SLC29A1: variants seen among roughly 807,000 people sequenced by gnomAD.
SLC29A1 encodes equilibrative nucleoside transporter 1.
In SLC29A1, 22 loss-of-function variants were observed where a neutral mutation model predicts 48.3. That is an observed-to-expected ratio of 0.46 (90% CI 0.33 to 0.65). SLC29A1 has a LOEUF of 0.65. Among genes scored for constraint, SLC29A1 ranks in the 30% least tolerant of loss-of-function variants. The pLI is 0.03. For missense variants in SLC29A1, 491 were observed against 575.3 expected (o/e 0.85, Z 1.50); for synonymous variants, 228 against 231.0 (o/e 0.99, Z 0.12).
chr6:44,233,579 C>T lies in SLC29A1; in HGVS notation c.*51C>T, dbSNP rs369843834. 2.4e-5 allele frequency: 34 copies of T among 1,432,546 alleles called. No individual in the cohort carries two copies. The highest frequency in any genetic ancestry group is 1.4e-4 in the African/African-American group (10 of 71,550). 88.7% of individuals were successfully genotyped at this position (1,432,546 alleles called of 1,614,324 possible). A position where few individuals can be genotyped will look rare whatever the true frequency, so the allele number is the denominator to read the frequency against. On this transcript the variant is annotated 3_prime_UTR_variant, in exon 13 of 13. Coordinates refer to ENST00000371755, the MANE Select transcript of SLC29A1 (RefSeq NM_001372327.1). ...GCCTCCCTCCCTGTCTGCCTCCTGCCCCTTCCTTCTGCCAGGGGTGATCCT... is the reference window on the plus strand; with the variant it reads ...GCCTCCCTCCCTGTCTGCCTCCTGCTCCTTCCTTCTGCCAGGGGTGATCCT...
intron 1 of SLC29A1, 41 bp from the exon 2 acceptor site, chr6:44,227,222 A>G: frequency 1.3e-6 from 2 of 1,585,640 alleles, no homozygotes; most frequent in Non-Finnish European, 1.7e-6. Flanking sequence ...GGCCTATGGC[A>G]GGGCCAAGAC....
At chr6:44,220,344 ATTTT>A (rs3997542), upstream of SLC29A1, among the ~76,000 whole-genome samples, 1 of 126,514 alleles carries the variant, frequency 7.9e-6, no homozygotes, top group Non-Finnish European at 1.6e-5. Context: ...TGCTCAGCTA[ATTTT>A]TTTTTTTTTT....
At position 44,223,795 on chromosome 6, in the gene SLC29A1, C is replaced by T. The variant is rs1031057976; in HGVS notation, c.-52+154C>T. On this transcript the variant is annotated intron_variant, in intron 1 of 12. Transcript: ENST00000371755. The surrounding 1 kb of genome is among the most constrained non-coding windows in gnomAD (Gnocchi z 5.0). ...GGCCCCAGTGCGGAGCGTGCGGAGC[C>T]GCGCAGCACGTGGCGCGCACGGGCC... The T allele has an allele frequency of 4.6e-5, 47 of 1,021,638 alleles. No individual in the cohort carries two copies. In the African/African-American group the frequency reaches 7.6e-4, roughly 17 times the overall value. 63.3% of individuals were successfully genotyped at this position (1,021,638 alleles called of 1,614,324 possible).
chr6:44,227,019 A>C, intron 1 of SLC29A1: 1 of 1,266,494 alleles, frequency 7.9e-7, no homozygotes, highest in Non-Finnish European at 1.0e-6. Context: ...TAGCGGTGGC[A>C]GCGGCCAGGC....
rs762789586 is a variant in SLC29A1 at position 44,229,409 on chromosome 6, ATCT to A, written c.55_57del (p.Phe19del). The stretch of plus-strand genomic sequence containing the variant: ...TTGCAGATACAAAGCTGTCTGGCTT[ATCT>A]TCTTCATGCTGGGTCTGGGAACGCT... On this transcript the variant is annotated inframe_deletion, in exon 3 of 13. Coordinates refer to ENST00000371755, the MANE Select transcript of SLC29A1 (RefSeq NM_001372327.1). This position sits in a 1 kb window ranked among gnomAD's most constrained non-coding sequence, Gnocchi z 5.1. The A allele has an allele frequency of 1.2e-6, 2 of 1,613,112 alleles. No individual in the cohort carries two copies. Among genetic ancestry groups the A allele is most frequent in the African/African-American group, 1.3e-5 (1 of 74,964 alleles).
chr6:44,219,799 CG>C (rs746361566), upstream of SLC29A1: 344 of 261,654 alleles, frequency 1.3e-3, 2 homozygotes, highest in African/African-American at 9.3e-3. Context: ...GGGGCGGGGC[CG>C]GGGGGCCTGG....
rs75037270 is a variant in SLC29A1 at position 44,231,462 on chromosome 6, G to C, written c.864+1G>C. The C allele has an allele frequency of 3.8e-6, 6 of 1,585,378 alleles. No homozygotes were observed. Among genetic ancestry groups the C allele is most frequent in the Non-Finnish European group, 5.2e-6 (6 of 1,157,264 alleles). ...CTCTATCAAAGCCATCCTGAAAAAT[G>C]TACGTAGGGGAGGTTATCCTATCTT... On this transcript the variant is annotated splice_donor_variant, in intron 9 of 12. Coordinates refer to ENST00000371755, the MANE Select transcript of SLC29A1 (RefSeq NM_001372327.1). LOFTEE classifies it high-confidence loss of function.
intron 1 of SLC29A1, among the ~76,000 whole-genome samples, chr6:44,225,146 T>C (rs1777206016): frequency 2.0e-5 from 3 of 151,974 alleles, no homozygotes; most frequent in Admixed American, 1.3e-4. Context: ...GCCTGTGGGG[T>C]GGAGTACGGG....
chr6:44,228,439 C>T (rs1457007162), intron 2 of SLC29A1, among the ~76,000 whole-genome samples: 1 of 152,238 alleles, frequency 6.6e-6, no homozygotes, highest in Non-Finnish European at 1.5e-5. Context: ...GTTGCATTAA[C>T]TCGGACCTGC....
chr6:44,227,155 C>A, intron 1 of SLC29A1, 108 bp from the exon 2 acceptor site: 2 of 1,389,728 alleles, frequency 1.4e-6, no homozygotes, highest in Non-Finnish European at 9.7e-7. Context: ...TCTTACTGGA[C>A]TCCTCCACTG....
At position 44,229,673 on chromosome 6, in the gene SLC29A1, C is replaced by A. The variant is rs755729031; in HGVS notation, c.196C>A (p.Pro66Thr). Residue 66 changes from proline to threonine, a missense_variant, in exon 4 of 13, where the codon CCT becomes ACT. Coordinates refer to ENST00000371755, the MANE Select transcript of SLC29A1 (RefSeq NM_001372327.1). The surrounding 1 kb of genome is among the most constrained non-coding windows in gnomAD (Gnocchi z 5.1). ...LSKDAQASAA[P>T]AAPLPERNSL... ...CAAGGACGCCCAGGCGTCAGCCGCC[C>A]CTGCAGCACCCTTGCCTGAGCGGAA... The A allele has an allele frequency of 3.1e-6, 5 of 1,613,996 alleles. No individual in the cohort carries two copies. In the Admixed American group the frequency reaches 8.3e-5, roughly 27 times the overall value.
In SLC29A1 at chr6:44,233,486, A is replaced by C; in HGVS notation, c.1329A>C (p.Ala443=). Reference sequence around the variant, plus strand: ...CCTTCTTCCTGTGTCTGGGTCTGGCACTGGGGGCTGTTTTCTCCTTCCTGT... The same window carrying C: ...CCTTCTTCCTGTGTCTGGGTCTGGCCCTGGGGGCTGTTTTCTCCTTCCTGT... The part of the protein sequence containing the change: ...IMAFFLCLGL[A]LGAVFSFLFR... The change falls in exon 13 of 13, where the codon GCA becomes GCC. Residue 443 remains alanine, a synonymous_variant. Coordinates refer to ENST00000371755, the MANE Select transcript of SLC29A1 (RefSeq NM_001372327.1). 6.2e-7 allele frequency: 1 copy of C among 1,614,060 alleles called. No homozygotes were observed. The highest frequency in any genetic ancestry group is 1.1e-5 in the South Asian group (1 of 91,080).
At position 44,231,407 on chromosome 6, in the gene SLC29A1, C is replaced by T; in HGVS notation, c.810C>T (p.Val270=). ...RAGKEESGVS[V]SNSQPTNESH... is the part of the protein sequence containing the mutation. ...GCAAAGAGGAATCTGGAGTTTCAGT[C>T]TCCAACTCTCAGCCCACCAATGAAA... is the stretch of plus-strand genomic sequence containing the variant. The change falls in exon 9 of 13, where the codon GTC becomes GTT. Residue 270 remains valine (V), a synonymous_variant. Coordinates refer to ENST00000371755, the MANE Select transcript of SLC29A1 (RefSeq NM_001372327.1). 1 of 1,606,502 alleles carries T rather than the reference C, an allele frequency of 6.2e-7. No homozygotes were observed. Among genetic ancestry groups the T allele is most frequent in the Non-Finnish European group, 8.5e-7 (1 of 1,175,328 alleles).
upstream of SLC29A1, chr6:44,223,442 G>A (rs1776706190): frequency 1.4e-6 from 1 of 737,454 alleles, no homozygotes; most frequent in Non-Finnish European, 1.7e-6. This position sits in a 1 kb window ranked among gnomAD's most constrained non-coding sequence, Gnocchi z 5.0. Context: ...GGGGCTCGGG[G>A]TGGGAGCGGC....
intron 1 of SLC29A1, chr6:44,225,876 G>A (rs557860089): frequency 2.0e-5 from 3 of 152,324 alleles, no homozygotes; most frequent in East Asian, 1.9e-4. Flanking sequence ...CTGCACCTGC[G>A]AGAGCTCCCC....
Position 44,232,376 on chromosome 6 carries a change from CT to C in SLC29A1, c.1010del (p.Phe337SerfsTer50), listed in dbSNP as rs1419572459. The C allele has an allele frequency of 5.0e-6, 8 of 1,613,600 alleles. No homozygotes were observed. The highest frequency in any genetic ancestry group is 5.9e-6 in the Non-Finnish European group (7 of 1,179,648). The part of the protein sequence containing the change: ...RYFIPVSCFL[T>X]FNIFDWLGRS... ...TTCATTCCTGTGTCCTGTTTCTTGA[CT>C]TTCAATATCTTTGACTGGTTGGGCC... On this transcript the variant is annotated frameshift_variant, in exon 11 of 13. Transcript: ENST00000371755. LOFTEE classifies it high-confidence loss of function. This position sits in a 1 kb window ranked among gnomAD's most constrained non-coding sequence, Gnocchi z 4.7.
At chr6:44,227,610 G>A (rs916060877) in intron 2 of SLC29A1, among the ~76,000 whole-genome samples, 4 of 152,156 alleles carry the variant, frequency 2.6e-5, no homozygotes, top group Non-Finnish European at 4.4e-5. Context: ...AGCGGCTTTC[G>A]GCTCCTCCCG....
Position 44,232,555 on chromosome 6 carries a change from T to A in SLC29A1, c.1059+127T>A, listed in dbSNP as rs2153306278. 1.4e-6 allele frequency: 1 copy of A among 690,060 alleles called. No homozygotes were observed. Among genetic ancestry groups the A allele is most frequent in the East Asian group, 2.6e-5 (1 of 38,760 alleles). 42.7% of individuals were successfully genotyped at this position (690,060 alleles called of 1,614,324 possible). A position where few individuals can be genotyped will look rare whatever the true frequency, so the allele number is the denominator to read the frequency against. ...TTTTAAAGTCGAGGCATAATTTATGTATAGTTAAGTACAAGTCTTAAGTGT... is the reference window on the plus strand; with the variant it reads ...TTTTAAAGTCGAGGCATAATTTATGAATAGTTAAGTACAAGTCTTAAGTGT... On this transcript the variant is annotated intron_variant, in intron 11 of 12. Coordinates refer to ENST00000371755, the MANE Select transcript of SLC29A1 (RefSeq NM_001372327.1). The surrounding 1 kb of genome is among the most constrained non-coding windows in gnomAD (Gnocchi z 4.7).
Position 44,233,291 on chromosome 6 carries a change from G to A in SLC29A1, c.1260-126G>A, listed in dbSNP as rs1582966527. 18 of 860,298 alleles carry A rather than the reference G, an allele frequency of 2.1e-5. No individual in the cohort carries two copies. In the East Asian group the frequency reaches 4.4e-4, roughly 21 times the overall value. 53.3% of individuals were successfully genotyped at this position (860,298 alleles called of 1,614,324 possible). On this transcript the variant is annotated intron_variant, in intron 12 of 12. Coordinates refer to ENST00000371755, the MANE Select transcript of SLC29A1 (RefSeq NM_001372327.1). ...AGCCAGGTTGGGGTTAGGCAGCCAG[G>A]ATGGGTTGATCAACAGAATGAGGTT...
Sources: allele counts gnomAD v4.1 joint callset (sites outside exome capture counted in the v4.1 genomes callset), GRCh38; gene constraint gnomAD v4.1.1; non-coding constraint Gnocchi (gnomAD v3.1); transcripts MANE v1.5; gene names NCBI Gene and HGNC (gene_info 2026-07-23, HGNC 2026-07-21).